The following EIPR1 variants were observed in gnomAD, a reference collection of about 807,000 sequenced individuals.
The protein encoded by EIPR1 is EARP complex and GARP complex interacting protein 1.
In EIPR1, 25 loss-of-function variants were observed where a neutral mutation model predicts 48.1. That is an observed-to-expected ratio of 0.52 (90% CI 0.38 to 0.73). The LOEUF (loss-of-function observed/expected upper bound fraction) is 0.73, where lower values mean the gene tolerates loss of function less well. EIPR1 is among the 30% of genes least tolerant of loss of function. EIPR1 has a pLI of 0.00. For synonymous variants in EIPR1, 204 were observed against 201.9 expected (o/e 1.01, Z -0.09); for missense variants, 415 against 506.2 (o/e 0.82, Z 1.73).
intron 3 of EIPR1, among the ~76,000 whole-genome samples, chr2:3,278,320 G>GC (rs1293320890): frequency 6.6e-6 from 1 of 152,178 alleles, no homozygotes; most frequent in South Asian, 2.1e-4. Flanking sequence ...CACATGCCCT[G>GC]CCCTTGGACC....
At chr2:3,305,094 A>AGTTC (rs1668892485) in intron 3 of EIPR1, among the ~76,000 whole-genome samples, 1 of 73,350 alleles carries the variant, frequency 1.4e-5, no homozygotes, top group Non-Finnish European at 2.6e-5. Context: ...CTCCACTCCC[A>AGTTC]ACCAGTTCAG....
intron 3 of EIPR1, among the ~76,000 whole-genome samples, chr2:3,270,254 C>T (rs1018164584): frequency 1.3e-5 from 2 of 152,218 alleles, no homozygotes; most frequent in Non-Finnish European, 2.9e-5. Context: ...GTGCTCGCTG[C>T]AGGGTCTCAG....
chr2:3,289,213 G>A (rs980440027), intron 3 of EIPR1, among the ~76,000 whole-genome samples: 1 of 152,136 alleles, frequency 6.6e-6, no homozygotes, highest in Non-Finnish European at 1.5e-5. Context: ...CTCAGGGCTC[G>A]CTCTTCCTGT....
At chr2:3,344,178 A>AC (rs1572468199) in intron 2 of EIPR1, among the ~76,000 whole-genome samples, 1 of 152,118 alleles carries the variant, frequency 6.6e-6, no homozygotes, top group Non-Finnish European at 1.5e-5. Context: ...CTGATGGCAA[A>AC]CCCCCCAGCT....
chr2:3,240,564 C>T (rs1213888547), intron 4 of EIPR1, among the ~76,000 whole-genome samples: 1 of 146,720 alleles, frequency 6.8e-6, no homozygotes, highest in African/African-American at 2.5e-5. Flanking sequence ...GTAGATCCCT[C>T]CTAAAGCAAA....
intron 3 of EIPR1, among the ~76,000 whole-genome samples, chr2:3,337,667 C>A (rs1380992016): frequency 6.6e-6 from 1 of 152,156 alleles, no homozygotes; most frequent in Non-Finnish European, 1.5e-5. Context: ...AAGACAGTCA[C>A]CAAGACACTA....
intron 4 of EIPR1, among the ~76,000 whole-genome samples, chr2:3,232,787 C>T (rs924491396): frequency 6.6e-6 from 1 of 152,158 alleles, no homozygotes; most frequent in African/African-American, 2.4e-5. Flanking sequence ...TTATCTACTC[C>T]GTCTCTGTTT....
chr2:3,253,137 C>T (rs77051020), intron 4 of EIPR1, among the ~76,000 whole-genome samples: 35 of 152,296 alleles, frequency 2.3e-4, no homozygotes, highest in East Asian at 1.2e-3. Context: ...TGAGTCTCCA[C>T]GGTCCTTTTT....
At chr2:3,344,109 C>T (rs1039305684) in intron 2 of EIPR1, among the ~76,000 whole-genome samples, 1 of 152,154 alleles carries the variant, frequency 6.6e-6, no homozygotes, top group South Asian at 2.1e-4. Flanking sequence ...AAGAGGCACC[C>T]GCCTAGGGAA....
chr2:3,224,280 G>C (rs917266305), intron 4 of EIPR1, among the ~76,000 whole-genome samples: 1 of 152,156 alleles, frequency 6.6e-6, no homozygotes, highest in African/African-American at 2.4e-5. Flanking sequence ...TTAGGCTCAA[G>C]TGCTACTTCC....
chr2:3,289,730 C>T (rs374988266), intron 3 of EIPR1, among the ~76,000 whole-genome samples: 136 of 152,356 alleles, frequency 8.9e-4, no homozygotes, highest in African/African-American at 2.8e-3. Flanking sequence ...CTTCAGCAGA[C>T]GAGTAGACAC....
intron 3 of EIPR1, among the ~76,000 whole-genome samples, chr2:3,302,120 C>T (rs542650357): frequency 3.9e-4 from 60 of 152,286 alleles, no homozygotes; most frequent in South Asian, 1.0e-3. Flanking sequence ...TAGAATACTC[C>T]CTCAGCGACT....
At chr2:3,214,676 CA>C (rs1489291398) in intron 4 of EIPR1, among the ~76,000 whole-genome samples, 5 of 152,184 alleles carry the variant, frequency 3.3e-5, no homozygotes, top group Non-Finnish European at 5.9e-5. Flanking sequence ...TCATCTAACA[CA>C]AGACGTACTT....
intron 3 of EIPR1, among the ~76,000 whole-genome samples, chr2:3,309,006 G>T (rs1239714454): frequency 6.6e-6 from 1 of 152,128 alleles, no homozygotes; most frequent in African/African-American, 2.4e-5. Flanking sequence ...TTTTCAAACG[G>T]AAAGAAATTA....
At chr2:3,264,833 G>T (rs1046700889) in intron 3 of EIPR1, among the ~76,000 whole-genome samples, 2 of 152,038 alleles carry the variant, frequency 1.3e-5, no homozygotes, top group African/African-American at 4.8e-5. Flanking sequence ...GATTACTGGT[G>T]CCGCCACCAT....
Position 3,189,268 on chromosome 2 carries a change from C to G in EIPR1, c.*66G>C. The G allele has an allele frequency of 7.0e-7, 1 of 1,429,246 alleles. No homozygotes were observed. Among genetic ancestry groups the G allele is most frequent in the Non-Finnish European group, 9.3e-7 (1 of 1,072,480 alleles). The allele number at this position is 1,429,246 out of a possible 1,614,324, so 88.5% of individuals were successfully genotyped here. A position where few individuals can be genotyped will look rare whatever the true frequency, so the allele number is the denominator to read the frequency against. On this transcript the variant is annotated 3_prime_UTR_variant, in exon 9 of 9. Coordinates refer to ENST00000382125, the MANE Select transcript of EIPR1 (RefSeq NM_003310.5). This position sits in a 1 kb window ranked among gnomAD's most constrained non-coding sequence, Gnocchi z 4.6. ...AACACGAGTCACCTCCAAAGAGCTG[C>G]GACTGTTTGAGAATCTGCCAAGAGG...
chr2:3,215,991 G>A (rs1180242235), intron 4 of EIPR1, among the ~76,000 whole-genome samples: 2 of 152,182 alleles, frequency 1.3e-5, no homozygotes, highest in Admixed American at 6.5e-5. Context: ...CTAGGATGCT[G>A]AAAAACCTGC....
intron 3 of EIPR1, among the ~76,000 whole-genome samples, chr2:3,297,871 G>C (rs972382693): frequency 6.6e-6 from 1 of 152,174 alleles, no homozygotes; most frequent in Non-Finnish European, 1.5e-5. Context: ...ATCCAGGCTG[G>C]AGTGCAGTGG....
chr2:3,222,631 G>A (rs1017536626), intron 4 of EIPR1, among the ~76,000 whole-genome samples: 2 of 152,190 alleles, frequency 1.3e-5, no homozygotes, highest in Non-Finnish European at 2.9e-5. Flanking sequence ...AGTCTGCAAA[G>A]AGCACAGGGA....
Sources: allele counts gnomAD v4.1 joint callset (sites outside exome capture counted in the v4.1 genomes callset), GRCh38; gene constraint gnomAD v4.1.1; non-coding constraint Gnocchi (gnomAD v3.1); transcripts MANE v1.5; gene names NCBI Gene and HGNC (gene_info 2026-07-23, HGNC 2026-07-21).